Variants in CCDC7 observed in about 807,000 individuals in gnomAD.
CCDC7 encodes the protein coiled-coil domain-containing protein 7.
A neutral mutation model predicts 196.9 loss-of-function variants in CCDC7; 183 were observed. That is an observed-to-expected ratio of 0.93 (90% CI 0.82 to 1.05). CCDC7 has a LOEUF of 1.05. Ranked by LOEUF, CCDC7 falls within the 50% of genes least tolerant of loss-of-function variation. CCDC7 has a pLI of 0.00. For synonymous variants in CCDC7, 525 were observed against 484.6 expected, an observed-to-expected ratio of 1.08 and a Z score of -1.10; for missense variants, 1,540 against 1,482.2, an observed-to-expected ratio of 1.04 and a Z score of -0.64.
At chr10:32,459,325 C>G (rs2035080283) in intron 3 of CCDC7, among the ~76,000 whole-genome samples, 1 of 151,498 alleles carries the variant, frequency 6.6e-6, no homozygotes, top group Non-Finnish European at 1.5e-5. Flanking sequence ...GTGTGAACCT[C>G]TAGAGAGCTC....
chr10:32,652,816 AAT>A (rs1256870470), intron 20 of CCDC7, among the ~76,000 whole-genome samples: 23 of 152,308 alleles, frequency 1.5e-4, no homozygotes, highest in Middle Eastern at 3.4e-3. Flanking sequence ...CTTCAAACTA[AAT>A]ATATGAGTCC....
At chr10:32,497,379 G>A (rs2043082639) in intron 9 of CCDC7, among the ~76,000 whole-genome samples, 1 of 152,048 alleles carries the variant, frequency 6.6e-6, no homozygotes, top group Admixed American at 6.6e-5. Context: ...GGCTTTTTGT[G>A]TCTCTATCTC....
intron 25 of CCDC7, among the ~76,000 whole-genome samples, chr10:32,716,059 A>G (rs1646051343): frequency 1.3e-5 from 2 of 152,290 alleles, no homozygotes; most frequent in East Asian, 1.9e-4. Context: ...AGAACACCAC[A>G]AAGATACTCC....
At chr10:32,677,976 C>G (rs1389906369) in intron 21 of CCDC7, among the ~76,000 whole-genome samples, 1 of 151,860 alleles carries the variant, frequency 6.6e-6, no homozygotes, top group Non-Finnish European at 1.5e-5. Flanking sequence ...TTTTCTTCTG[C>G]TTGATAAAGT....
chr10:32,855,307 G>C (rs746062705), intron 41 of CCDC7, among the ~76,000 whole-genome samples: 3 of 151,862 alleles, frequency 2.0e-5, no homozygotes, highest in Non-Finnish European at 4.4e-5. Context: ...ATGGAATGGT[G>C]GTGGGGGAAT....
intron 18 of CCDC7, among the ~76,000 whole-genome samples, chr10:32,621,329 T>G (rs2063385913): frequency 6.6e-6 from 1 of 152,180 alleles, no homozygotes; most frequent in African/African-American, 2.4e-5. Flanking sequence ...AAGACTTTTT[T>G]GTTAGGATTC....
chr10:32,784,441 T>C (rs1033945792), intron 29 of CCDC7, among the ~76,000 whole-genome samples: 5 of 152,092 alleles, frequency 3.3e-5, no homozygotes, highest in African/African-American at 9.7e-5. Flanking sequence ...TGTGTTCTCA[T>C]TGGTCAGCTC....
intron 18 of CCDC7, among the ~76,000 whole-genome samples, chr10:32,613,235 G>T (rs950655813): frequency 3.9e-5 from 6 of 152,028 alleles, no homozygotes; most frequent in Non-Finnish European, 8.8e-5. Flanking sequence ...TTCTCTGAGG[G>T]TAGTTTATAT....
rs1203048524 is a variant in CCDC7, at chr10:32,568,011, T to G, written c.1419+120T>G. Reference sequence around the variant, plus strand: ...ATTCATGCCTCTGTTTTTGGGTTTTTTTTTTTTTTTTTTTGAGATGGAGTC... The same window carrying G: ...ATTCATGCCTCTGTTTTTGGGTTTTGTTTTTTTTTTTTTTGAGATGGAGTC... On this transcript the variant is annotated intron_variant, in intron 15 of 41. Coordinates refer to ENST00000639629, the Ensembl canonical transcript of CCDC7. 2.3e-3 allele frequency: 2,352 copies of G among 1,008,706 alleles called. 1 individual carries two copies. Among genetic ancestry groups the G allele is most frequent in the East Asian group, 5.8e-3 (176 of 30,552 alleles). 62.5% of individuals were successfully genotyped at this position (1,008,706 alleles called of 1,614,324 possible).
At chr10:32,511,272 G>GGA (rs1300091566) in intron 9 of CCDC7, 5 of 770,712 alleles carry the variant, frequency 6.5e-6, no homozygotes, top group African/African-American at 4.2e-5. Context: ...GGGGGGGGCG[G>GGA]GGAAATGTAC....
chr10:32,857,485 A>C (rs1435376387), intron 41 of CCDC7, among the ~76,000 whole-genome samples: 1 of 152,206 alleles, frequency 6.6e-6, no homozygotes, highest in African/African-American at 2.4e-5. Context: ...AATCTTGAAA[A>C]TGTACAAATA....
chr10:32,828,444 G>T lies in CCDC7; in HGVS notation c.3268+3840G>T, dbSNP rs1043107063. On this transcript the variant is annotated intron_variant, in intron 32 of 41. Coordinates refer to ENST00000639629, the Ensembl canonical transcript of CCDC7. Reference sequence around the variant, plus strand: ...AAGAAGAAGAAGGAAGGAAGGAGAAGAAGAAGAAGAAGAAGAAGAAGAGGA... The same window carrying T: ...AAGAAGAAGAAGGAAGGAAGGAGAATAAGAAGAAGAAGAAGAAGAAGAGGA... Among the ~76,000 whole-genome samples, 3 of 78,390 alleles carry T rather than the reference G, an allele frequency of 3.8e-5. No individual in the cohort carries two copies. In the South Asian group the frequency reaches 1.2e-3, roughly 30 times the overall value. The allele number at this position is 78,390 out of a possible 152,430, so 51.4% of individuals were successfully genotyped here. A position where few individuals can be genotyped will look rare whatever the true frequency, so the allele number is the denominator to read the frequency against.
intron 11 of CCDC7, among the ~76,000 whole-genome samples, chr10:32,535,780 T>G (rs1183728046): frequency 6.6e-6 from 1 of 152,218 alleles, no homozygotes; most frequent in Non-Finnish European, 1.5e-5. Context: ...GATATTACGT[T>G]AATTACGTTA....
chr10:32,858,553 T>C (rs1356877686), intron 41 of CCDC7, among the ~76,000 whole-genome samples: 2 of 152,144 alleles, frequency 1.3e-5, no homozygotes. Flanking sequence ...TACTTCATAT[T>C]CACAGCATAA....
intron 20 of CCDC7, among the ~76,000 whole-genome samples, chr10:32,652,934 T>A (rs1303073844): frequency 2.0e-5 from 3 of 152,246 alleles, no homozygotes; most frequent in African/African-American, 7.2e-5. Context: ...AACATTAGAA[T>A]CCTTTGCCAT....
At chr10:32,453,638 C>T (rs983555607) in intron 2 of CCDC7, among the ~76,000 whole-genome samples, 1 of 152,048 alleles carries the variant, frequency 6.6e-6, no homozygotes, top group African/African-American at 2.4e-5. Context: ...AAGAAGTTTG[C>T]AGAAAAGGAG....
chr10:32,716,234 G>A (rs2081555630), intron 25 of CCDC7, among the ~76,000 whole-genome samples: 1 of 152,216 alleles, frequency 6.6e-6, no homozygotes, highest in African/African-American at 2.4e-5. Context: ...CCAGAAGGGA[G>A]TGGGGGCCAA....
chr10:32,669,695 C>G (rs2073660593), intron 21 of CCDC7, among the ~76,000 whole-genome samples: 1 of 152,032 alleles, frequency 6.6e-6, no homozygotes, highest in Non-Finnish European at 1.5e-5. Flanking sequence ...CTCTCATGAT[C>G]TTTTGTATCT....
At chr10:32,711,196 A>G (rs954905770) in intron 24 of CCDC7, among the ~76,000 whole-genome samples, 2 of 151,842 alleles carry the variant, frequency 1.3e-5, no homozygotes, top group Non-Finnish European at 2.9e-5. Context: ...ATATATATAC[A>G]TATAACTGTG....
Sources: gnomAD v4.1 joint callset for allele counts (sites outside exome capture counted in the v4.1 genomes callset) on GRCh38, gnomAD v4.1.1 for gene constraint, MANE v1.5 for transcripts, NCBI Gene and HGNC (gene_info 2026-07-23, HGNC 2026-07-21) for gene names.